Variants in AGPAT5 observed in about 807,000 individuals in gnomAD.
The protein encoded by AGPAT5 is 1-acylglycerol-3-phosphate O-acyltransferase 5.
AGPAT5 carries 46 observed loss-of-function variants against 45.6 expected under a neutral mutation model. The observed-to-expected ratio is 1.01, with a 90% CI of 0.80 to 1.29. AGPAT5 has a LOEUF of 1.29. AGPAT5 is among the 50% of genes most tolerant of loss of function. AGPAT5 has a pLI of 0.00. For synonymous variants in AGPAT5, 272 were observed against 167.0 expected, an observed-to-expected ratio of 1.63 and a Z score of -4.85; for missense variants, 673 against 450.7, an observed-to-expected ratio of 1.49 and a Z score of -4.47.
At chr8:6,730,142 T>C (rs934382514) in intron 2 of AGPAT5, among the ~76,000 whole-genome samples, 5 of 152,076 alleles carry the variant, frequency 3.3e-5, no homozygotes, top group African/African-American at 1.2e-4. Flanking sequence ...GAAGCTCATT[T>C]TGTTCCATAC....
At chr8:6,713,940 C>A (rs77089846) in intron 1 of AGPAT5, among the ~76,000 whole-genome samples, 1,636 of 152,310 alleles carry the variant, frequency 0.011, 23 homozygotes, top group East Asian at 0.063. Flanking sequence ...AGCACTGATT[C>A]ATCAAACTAA....
At chr8:6,709,267 TC>T (rs1476044855) in intron 1 of AGPAT5, 5 of 251,148 alleles carry the variant, frequency 2.0e-5, no homozygotes, top group Non-Finnish European at 3.2e-5. Flanking sequence ...ACGTCTACAC[TC>T]CGAAGTGCGC....
intron 3 of AGPAT5, among the ~76,000 whole-genome samples, 175 bp from the exon 4 acceptor site, chr8:6,732,386 C>T (rs1033488520): frequency 6.6e-6 from 1 of 152,164 alleles, no homozygotes; most frequent in Non-Finnish European, 1.5e-5. Context: ...TGAGACAAGG[C>T]AATTTTCAGC....
chr8:6,756,134 G>A (rs182133783), intron 7 of AGPAT5, among the ~76,000 whole-genome samples: 5 of 152,172 alleles, frequency 3.3e-5, no homozygotes, highest in East Asian at 1.9e-4. Flanking sequence ...TTATTATATC[G>A]GGTATGTTCT....
At position 6,747,716 on chromosome 8, in the gene AGPAT5, T is replaced by C; in HGVS notation, c.633T>C (p.Thr211=). 6.2e-7 allele frequency: 1 copy of C among 1,614,160 alleles called. No homozygotes were observed. Among genetic ancestry groups the C allele is most frequent in the Admixed American group, 1.7e-5 (1 of 60,036 alleles). ...TGCTAACACCACGAATAAAGGCAAC[T>C]CACGTTGCTTTTGATTGCATGAAGA... ...KHVLTPRIKA[T]HVAFDCMKNY... is the part of the protein sequence containing the mutation. Residue 211 remains threonine (T), a synonymous_variant, in exon 6 of 8, where the codon ACT becomes ACC. Coordinates refer to ENST00000285518, the MANE Select transcript of AGPAT5 (RefSeq NM_018361.5).
chr8:6,754,131 C>A (rs1207388754), intron 6 of AGPAT5, among the ~76,000 whole-genome samples: 1 of 152,194 alleles, frequency 6.6e-6, no homozygotes, highest in Non-Finnish European at 1.5e-5. Flanking sequence ...CTTCAAGGAA[C>A]TTAAATATGT....
intron 5 of AGPAT5, 89 bp downstream of exon 5, chr8:6,741,840 A>G: frequency 9.7e-6 from 10 of 1,031,650 alleles, no homozygotes; most frequent in Non-Finnish European, 1.3e-5. Context: ...CTTTTGTTTT[A>G]CAGTTGAAGG....
At chr8:6,734,778 T>A (rs1379756760) in intron 4 of AGPAT5, among the ~76,000 whole-genome samples, 1 of 151,746 alleles carries the variant, frequency 6.6e-6, no homozygotes, top group Non-Finnish European at 1.5e-5. Flanking sequence ...TGTTGAGGAG[T>A]GGAGTCAGTC....
chr8:6,710,945 G>A (rs982922785), intron 1 of AGPAT5, among the ~76,000 whole-genome samples: 3 of 151,902 alleles, frequency 2.0e-5, no homozygotes, highest in African/African-American at 7.2e-5. Context: ...ATCAGCTTTC[G>A]TTTGCAAGGC....
chr8:6,744,671 A>C (rs1031788095), intron 5 of AGPAT5, among the ~76,000 whole-genome samples: 5 of 152,228 alleles, frequency 3.3e-5, no homozygotes, highest in Non-Finnish European at 7.4e-5. Flanking sequence ...TGGCTCGCCC[A>C]CACCATATAG....
intron 5 of AGPAT5, among the ~76,000 whole-genome samples, chr8:6,746,594 T>C (rs1270073802): frequency 6.6e-6 from 1 of 152,200 alleles, no homozygotes; most frequent in Non-Finnish European, 1.5e-5. Context: ...ATTGAGATTT[T>C]TGTTGCAAGT....
At chr8:6,756,899 A>T (rs972432944) in intron 7 of AGPAT5, among the ~76,000 whole-genome samples, 2 of 152,250 alleles carry the variant, frequency 1.3e-5, no homozygotes, top group African/African-American at 4.8e-5. Flanking sequence ...TTTAAAAGAC[A>T]AAAAGCATCC....
intron 5 of AGPAT5, among the ~76,000 whole-genome samples, 183 bp downstream of exon 5, chr8:6,741,934 A>G (rs1035514308): frequency 3.3e-5 from 5 of 152,182 alleles, no homozygotes; most frequent in Non-Finnish European, 5.9e-5. Flanking sequence ...CTTTCATGCT[A>G]TTATTACATA....
At chr8:6,746,245 G>C (rs1405983610) in intron 5 of AGPAT5, 1 of 152,170 alleles carries the variant, frequency 6.6e-6, no homozygotes, top group Non-Finnish European at 1.5e-5. Context: ...ATGGCAGGTG[G>C]GTGCACGCAG....
In AGPAT5 at chr8:6,741,692, G is replaced by T. The variant is rs1801249568; in HGVS notation, c.527G>T (p.Arg176Met). 1 of 1,611,122 alleles carries T rather than the reference G, an allele frequency of 6.2e-7. No individual in the cohort carries two copies. Among genetic ancestry groups the T allele is most frequent in the Non-Finnish European group, 8.5e-7 (1 of 1,178,746 alleles). Residue 176 changes from arginine to methionine, a missense_variant, in exon 5 of 8, where the codon AGG (arginine) becomes ATG (methionine). Coordinates refer to ENST00000285518, the MANE Select transcript of AGPAT5 (RefSeq NM_018361.5). ...CTTGTGATTTTTCCAGAAGGTACAA[G>T]GTATAATCCAGAGCAAACAAAAGTC... ...MYLVIFPEGT[R>M]YNPEQTKVLS...
intron 1 of AGPAT5, among the ~76,000 whole-genome samples, chr8:6,711,279 A>AT (rs1215748376): frequency 1.3e-5 from 2 of 152,112 alleles, no homozygotes; most frequent in African/African-American, 2.4e-5. Context: ...ATTTAGTTGG[A>AT]TTTTTCTTGG....
intron 1 of AGPAT5, among the ~76,000 whole-genome samples, chr8:6,721,256 A>G (rs1339889559): frequency 1.3e-5 from 2 of 152,252 alleles, no homozygotes; most frequent in Non-Finnish European, 2.9e-5. Context: ...ATAAAAATAC[A>G]TTTAAAAGTT....
chr8:6,747,790 A>C lies in AGPAT5; in HGVS notation c.707A>C (p.Asp236Ala), dbSNP rs754434447. The change falls in exon 6 of 8, where the codon GAC (aspartate) becomes GCC (alanine). Residue 236 changes from aspartate to alanine, a missense_variant. By Grantham distance (126) the Asp-to-Ala change is moderately radical. Transcript: ENST00000285518. Reference sequence around the variant, plus strand: ...GTTACGGTGGTTTATGAAGGGAAAGACGATGGAGGGCAGCGAAGAGAGTCA... The same window carrying C: ...GTTACGGTGGTTTATGAAGGGAAAGCCGATGGAGGGCAGCGAAGAGAGTCA... Reference protein sequence around the residue: ...YDVTVVYEGKDDGGQRRESPT... With the variant: ...YDVTVVYEGKADGGQRRESPT... 6.8e-6 allele frequency: 11 copies of C among 1,614,066 alleles called. No individual in the cohort carries two copies. The highest frequency in any genetic ancestry group is 3.3e-5 in the Admixed American group (2 of 60,004).
intron 1 of AGPAT5, among the ~76,000 whole-genome samples, chr8:6,714,750 A>C (rs1800265329): frequency 2.6e-5 from 4 of 152,094 alleles, no homozygotes; most frequent in Admixed American, 2.6e-4. Flanking sequence ...CTTCTTACAG[A>C]TCAGTTTTTT....
Sources: gnomAD v4.1 joint callset for allele counts (sites outside exome capture counted in the v4.1 genomes callset) on GRCh38, gnomAD v4.1.1 for gene constraint, MANE v1.5 for transcripts, NCBI Gene and HGNC (gene_info 2026-07-23, HGNC 2026-07-21) for gene names.